Variants in ULK1 observed in about 807,000 individuals in gnomAD.
ULK1 encodes serine/threonine-protein kinase ULK1.
ULK1 carries 48 observed loss-of-function variants against 117.5 expected under a neutral mutation model. That is an observed-to-expected ratio of 0.41 (90% CI 0.32 to 0.52). The LOEUF (loss-of-function observed/expected upper bound fraction) is 0.52, where lower values mean the gene tolerates loss of function less well. ULK1 is among the 20% of genes least tolerant of loss of function. The pLI, the probability that ULK1 is intolerant of heterozygous loss-of-function variation, is 0.29. For synonymous variants in ULK1, 790 were observed against 637.8 expected, an observed-to-expected ratio of 1.24 and a Z score of -3.60; for missense variants, 1,387 against 1,473.4, an observed-to-expected ratio of 0.94 and a Z score of 0.96.
At chr12:131,898,006 C>T (rs1409125808) in intron 3 of ULK1, 3 of 152,258 alleles carry the variant, frequency 2.0e-5, no homozygotes, top group Non-Finnish European at 2.9e-5. Flanking sequence ...GGGCCCAGTC[C>T]TGGCTGCCAT....
Position 131,919,970 on chromosome 12 carries a change from C to G in ULK1, c.2804-9C>G. 1.9e-6 allele frequency: 3 copies of G among 1,611,340 alleles called. No homozygotes were observed. The highest frequency in any genetic ancestry group is 2.5e-6 in the Non-Finnish European group (3 of 1,178,764). ...TGCACCCTGAGCTGACCACCCTCGTCCTTTGCAGTGGTGCGCAGGCTGAAT... is the reference window on the plus strand; with the variant it reads ...TGCACCCTGAGCTGACCACCCTCGTGCTTTGCAGTGGTGCGCAGGCTGAAT... On this transcript the variant is annotated splice_polypyrimidine_tract_variant and intron_variant, in intron 25 of 27. Coordinates refer to ENST00000321867, the MANE Select transcript of ULK1 (RefSeq NM_003565.4).
chr12:131,918,567 C>A lies in ULK1; in HGVS notation c.2397C>A (p.Ala799=). Reference sequence around the variant, plus strand: ...CTGGGCCCTGCAGCGAGGCCCCAGCCCCTGAGCTCCCTGCTCCAGGACACG... The same window carrying A: ...CTGGGCCCTGCAGCGAGGCCCCAGCACCTGAGCTCCCTGCTCCAGGACACG... ...LVPGPCSEAP[A]PELPAPGHGC... Residue 799 remains alanine (A), a synonymous_variant, in exon 23 of 28, where the codon GCC becomes GCA. Coordinates refer to ENST00000321867, the MANE Select transcript of ULK1 (RefSeq NM_003565.4). The A allele has an allele frequency of 6.2e-7, 1 of 1,611,200 alleles. No individual in the cohort carries two copies. Among genetic ancestry groups the A allele is most frequent in the Non-Finnish European group, 8.5e-7 (1 of 1,179,322 alleles).
rs141616479 is a variant in ULK1, at chr12:131,913,306, G to C, written c.1157+48G>C. 352 of 1,488,052 alleles carry C rather than the reference G, an allele frequency of 2.4e-4. 1 individual carries two copies. In the African/African-American group the frequency reaches 4.3e-3, roughly 18 times the overall value. 92.2% of individuals were successfully genotyped at this position (1,488,052 alleles called of 1,614,324 possible). On this transcript the variant is annotated intron_variant, in intron 14 of 27. Coordinates refer to ENST00000321867, the MANE Select transcript of ULK1 (RefSeq NM_003565.4). ...TGTATTTTAGGGGAGAGAAACTGTG[G>C]CCTTGGAAGTGGCCCGTGTTATTTA...
chr12:131,913,920 C>G, intron 15 of ULK1, 84 bp downstream of exon 15: 1 of 1,227,694 alleles, frequency 8.1e-7, no homozygotes, highest in Non-Finnish European at 1.1e-6. Flanking sequence ...CGCAGCCAGC[C>G]CAGGCCTGCT....
At chr12:131,906,777 C>T in intron 3 of ULK1, 115 bp from the exon 4 acceptor site, 2 of 1,326,610 alleles carry the variant, frequency 1.5e-6, no homozygotes, top group Non-Finnish European at 2.2e-6. Context: ...GCTGGCTGAC[C>T]AGCTAAGTCC....
rs1407162106 is a variant in ULK1 at position 131,895,683 on chromosome 12, A to G, written c.194A>G (p.Lys65Arg). The G allele has an allele frequency of 1.2e-6, 2 of 1,614,164 alleles. No individual in the cohort carries two copies. Among genetic ancestry groups the G allele is most frequent in the South Asian group, 1.1e-5 (1 of 91,086 alleles). ...CAGACGCTGCTGGGGAAGGAAATCA[A>G]AATCCTGAAGGTGAGCCAGTGCTGG... ...KSQTLLGKEIKILKELKHENI... is the reference protein window; with the variant it reads ...KSQTLLGKEIRILKELKHENI... The change falls in exon 2 of 28, where the codon AAA becomes AGA. Residue 65 changes from lysine (K) to arginine (R), a missense_variant. This residue lies in a region of ULK1 where 224 missense variants were observed against 325.2 expected (regional missense o/e 0.69). Coordinates refer to ENST00000321867, the MANE Select transcript of ULK1 (RefSeq NM_003565.4).
intron 5 of ULK1, among the ~76,000 whole-genome samples, chr12:131,908,085 A>G (rs959009857): frequency 1.3e-5 from 2 of 151,972 alleles, no homozygotes; most frequent in Middle Eastern, 3.4e-3. Context: ...CTTGGGCCTG[A>G]GCACCCGGGA....
intron 13 of ULK1, among the ~76,000 whole-genome samples, 173 bp from the exon 14 acceptor site, chr12:131,913,025 A>T (rs1889608586): frequency 6.6e-6 from 1 of 152,164 alleles, no homozygotes; most frequent in African/African-American, 2.4e-5. Flanking sequence ...GCTGGCAGGG[A>T]GGATGCAGCC....
rs1888804752 is a variant in ULK1, at chr12:131,895,024, C to T, written c.23C>T (p.Thr8Ile). The T allele has an allele frequency of 1.9e-6, 3 of 1,564,564 alleles. No homozygotes were observed. Among genetic ancestry groups the T allele is most frequent in the Non-Finnish European group, 2.6e-6 (3 of 1,164,510 alleles). MEPGRGG[T>I]ETVGKFEFSR... ...GCCATGGAGCCCGGCCGCGGCGGCACAGAGACCGTGGGCAAGTTCGAGTTC... is the reference window on the plus strand; with the variant it reads ...GCCATGGAGCCCGGCCGCGGCGGCATAGAGACCGTGGGCAAGTTCGAGTTC... The change falls in exon 1 of 28, where the codon ACA becomes ATA. Residue 8 changes from threonine to isoleucine, a missense_variant. By Grantham distance (89) the Thr-to-Ile change is moderately conservative. Around this residue, in one of 4 missense-constraint regions of ULK1, gnomAD observed 224 missense variants for 325.2 expected, o/e 0.69. Transcript: ENST00000321867.
intron 3 of ULK1, among the ~76,000 whole-genome samples, chr12:131,901,562 G>A (rs917454751): frequency 1.3e-5 from 2 of 152,172 alleles, no homozygotes; most frequent in South Asian, 4.2e-4. Context: ...CATTCTTCAC[G>A]TGAGCCAGCT....
rs886562902 is a variant in ULK1, at chr12:131,909,131, C to T, written c.565-5C>T. On this transcript the variant is annotated splice_region_variant and splice_polypyrimidine_tract_variant and intron_variant, in intron 7 of 27. Coordinates refer to ENST00000321867, the MANE Select transcript of ULK1 (RefSeq NM_003565.4). ...CTCACACTGACCCGACTTCTGGTCC[C>T]GCAGGCCCCCGAGGTCATCATGTCC... 8 of 1,604,612 alleles carry T rather than the reference C, an allele frequency of 5.0e-6. No individual in the cohort carries two copies. Among genetic ancestry groups the T allele is most frequent in the East Asian group, 2.3e-5 (1 of 44,302 alleles).
intron 22 of ULK1, among the ~76,000 whole-genome samples, chr12:131,917,867 C>G (rs966164170): frequency 6.6e-6 from 1 of 152,226 alleles, no homozygotes; most frequent in Admixed American, 6.5e-5. Context: ...GCCCAGCTGC[C>G]GTGGGCTGTG....
chr12:131,909,799 C>G lies in ULK1; in HGVS notation c.691C>G (p.Leu231Val), dbSNP rs1327927755. The change falls in exon 9 of 28, where the codon CTG becomes GTG. Residue 231 changes from leucine (L) to valine (V), a missense_variant. Leu to Val is a conservative substitution (Grantham distance 32). Transcript: ENST00000321867. ...GGCCAGCAGCCCCCAGGACCTGCGC[C>G]TGTTCTACGAGAAGAACAAGACGTT... is the stretch of plus-strand genomic sequence containing the variant. ...FQASSPQDLR[L>V]FYEKNKTLVP... is the part of the protein sequence containing the mutation. 1.2e-6 allele frequency: 2 copies of G among 1,610,916 alleles called. No homozygotes were observed. Among genetic ancestry groups the G allele is most frequent in the Admixed American group, 1.7e-5 (1 of 59,794 alleles).
chr12:131,912,002 T>C lies in ULK1; in HGVS notation c.1009T>C (p.Phe337Leu). 1.9e-6 allele frequency: 3 copies of C among 1,612,906 alleles called. No individual in the cohort carries two copies. Among genetic ancestry groups the C allele is most frequent in the Non-Finnish European group, 2.5e-6 (3 of 1,179,986 alleles). ...TLASPADTAG[F>L]LHSSRDSGGS... ...GGCCTCCCCGGCTGACACCGCTGGC[T>C]TCCTGCACAGCTCCCGGGACTCTGG... is the stretch of plus-strand genomic sequence containing the variant. Residue 337 changes from phenylalanine (F) to leucine (L), a missense_variant, in exon 13 of 28, where the codon TTC becomes CTC. Phe to Leu is a conservative substitution (Grantham distance 22). This residue lies in a region of ULK1 where 260 missense variants were observed against 271.6 expected (regional missense o/e 0.96). Transcript: ENST00000321867.
intron 5 of ULK1, among the ~76,000 whole-genome samples, chr12:131,907,800 C>T (rs1345074655): frequency 6.6e-6 from 1 of 152,052 alleles, no homozygotes; most frequent in Non-Finnish European, 1.5e-5. Flanking sequence ...CCGCACAAAC[C>T]AGGGGTGGGG....
rs1355015406 is a variant in ULK1, at chr12:131,903,085, C to G, written c.247-3807C>G. Among the ~76,000 whole-genome samples the G allele has an allele frequency of 6.6e-6, 1 of 152,128 alleles. No homozygotes were observed. Among genetic ancestry groups the G allele is most frequent in the Admixed American group, 6.5e-5 (1 of 15,272 alleles). The stretch of plus-strand genomic sequence containing the variant: ...TGAGGCTGTGCTCTCACCTGACCCC[C>G]CTCAAGAGCCCTAGAGAGAGTCGCT... On this transcript the variant is annotated intron_variant, in intron 3 of 27. Transcript: ENST00000321867. The surrounding 1 kb of genome is among the most constrained non-coding windows in gnomAD (Gnocchi z 6.0).
At chr12:131,905,285 A>T (rs1193524244) in intron 3 of ULK1, among the ~76,000 whole-genome samples, 2 of 151,978 alleles carry the variant, frequency 1.3e-5, no homozygotes, top group African/African-American at 4.8e-5. Context: ...CGGGCTTCTC[A>T]CGTTTATGAA....
Position 131,919,280 on chromosome 12 carries a change from C to G in ULK1, c.2580C>G (p.Ile860Met), listed in dbSNP as rs368645618. ...TLLFVQHVLE[I>M]AALKGSASEA... is the part of the protein sequence containing the mutation. ...TGTTCGTGCAGCACGTCCTGGAGAT[C>G]GCAGCCCTGAAGGGCAGCGCCAGTG... is the stretch of plus-strand genomic sequence containing the variant. The change falls in exon 24 of 28, where the codon ATC (isoleucine) becomes ATG (methionine). Residue 860 changes from isoleucine to methionine, a missense_variant. Physicochemically the swap from Ile to Met is conservative, Grantham distance 10. Around this residue, in one of 4 missense-constraint regions of ULK1, gnomAD observed 900 missense variants for 858.9 expected, o/e 1.05. Transcript: ENST00000321867. 2 of 1,598,856 alleles carry G rather than the reference C, an allele frequency of 1.3e-6. No individual in the cohort carries two copies. Among genetic ancestry groups the G allele is most frequent in the Admixed American group, 3.4e-5 (2 of 59,604 alleles).
Position 131,908,914 on chromosome 12 carries a change from G to C in ULK1, c.507G>C (p.Ala169=). ...CTCCCGCAGCTGACTTCGGCTTCGC[G>C]CGGTACCTCCAGAGCAACATGATGG... The part of the protein sequence containing the change: ...IRVKIADFGF[A]RYLQSNMMAA... The change falls in exon 7 of 28, where the codon GCG becomes GCC. Residue 169 remains alanine (A), a synonymous_variant. Coordinates refer to ENST00000321867, the MANE Select transcript of ULK1 (RefSeq NM_003565.4). 3.7e-6 allele frequency: 6 copies of C among 1,611,580 alleles called. No homozygotes were observed. In the African/African-American group the frequency reaches 8.0e-5, roughly 21 times the overall value.
Sources: allele counts gnomAD v4.1 joint callset (sites outside exome capture counted in the v4.1 genomes callset), GRCh38; gene constraint gnomAD v4.1.1; regional missense constraint gnomAD v4.1.1; non-coding constraint Gnocchi (gnomAD v3.1); transcripts MANE v1.5; gene names NCBI Gene and HGNC (gene_info 2026-07-23, HGNC 2026-07-21).